The following SPHK2 variants were observed in gnomAD, a reference collection of about 807,000 sequenced individuals.
The protein encoded by SPHK2 is sphingosine kinase 2.
In SPHK2, 18 loss-of-function variants were observed where a neutral mutation model predicts 32.3. That is an observed-to-expected ratio of 0.56 (90% CI 0.39 to 0.83). The LOEUF (loss-of-function observed/expected upper bound fraction) is 0.83. SPHK2 is among the 40% of genes least tolerant of loss of function. The pLI is 0.00. For synonymous variants in SPHK2, 462 were observed against 417.6 expected (o/e 1.11, Z -1.30); for missense variants, 850 against 908.7 (o/e 0.94, Z 0.83).
intron 2 of SPHK2, chr19:48,624,876 G>C: frequency 1.0e-6 from 1 of 980,616 alleles, no homozygotes; most frequent in Non-Finnish European, 1.2e-6. Context: ...AGGCGGTGGG[G>C]GGTGGGGGGC....
In SPHK2 at chr19:48,627,098, C is replaced by T. The variant is rs190821095; in HGVS notation, c.512-594C>T. Reference sequence around the variant, plus strand: ...GCAGTGAGCCGAGATTGCACCATTGCACTCCATCCTGGGCGACAAGACCGA... The same window carrying T: ...GCAGTGAGCCGAGATTGCACCATTGTACTCCATCCTGGGCGACAAGACCGA... On this transcript the variant is annotated intron_variant, in intron 3 of 6. Transcript: ENST00000245222. 2.1e-4 allele frequency among the ~76,000 whole-genome samples: 32 copies of T among 152,340 alleles called. No individual in the cohort carries two copies. The East Asian group carries it at 5.8e-3, about 28-fold the overall frequency.
In SPHK2 at chr19:48,629,696, C is replaced by G. The variant is rs2030404527; in HGVS notation, c.1888C>G (p.Pro630Ala). ...GGACGGGGAGCAGGTGGAGTATGGGCCGCTACAGGCACAGATGCACCCTGG... is the reference window on the plus strand; with the variant it reads ...GGACGGGGAGCAGGTGGAGTATGGGGCGCTACAGGCACAGATGCACCCTGG... ...TVDGEQVEYG[P>A]LQAQMHPGIG... The change falls in exon 7 of 7, where the codon CCG becomes GCG. Residue 630 changes from proline to alanine, a missense_variant. Physicochemically the swap from Pro to Ala is conservative, Grantham distance 27 (BLOSUM62 -1). Around this residue, in one of 2 missense-constraint regions of SPHK2, gnomAD observed 306 missense variants for 268.6 expected, o/e 1.14. Coordinates refer to ENST00000245222, the MANE Select transcript of SPHK2 (RefSeq NM_020126.5). 1 of 1,609,364 alleles carries G rather than the reference C, an allele frequency of 6.2e-7. No individual in the cohort carries two copies. Among genetic ancestry groups the G allele is most frequent in the South Asian group, 1.1e-5 (1 of 90,480 alleles).
chr19:48,628,140 C>T lies in SPHK2; in HGVS notation c.757-22C>T, dbSNP rs1335857911. ...ATAGAGACTGCCACCAGGACCCAGGCTTCTGGTCTCCCACCCTCCAGGTGC... is the reference window on the plus strand; with the variant it reads ...ATAGAGACTGCCACCAGGACCCAGGTTTCTGGTCTCCCACCCTCCAGGTGC... On this transcript the variant is annotated intron_variant, in intron 5 of 6. Coordinates refer to ENST00000245222, the MANE Select transcript of SPHK2 (RefSeq NM_020126.5). The surrounding 1 kb of genome is among the most constrained non-coding windows in gnomAD (Gnocchi z 5.2). 1.2e-6 allele frequency: 2 copies of T among 1,604,908 alleles called. No individual in the cohort carries two copies. The highest frequency in any genetic ancestry group is 2.2e-5 in the South Asian group (2 of 90,272).
At position 48,626,245 on chromosome 19, in the gene SPHK2, A is replaced by G; in HGVS notation, c.394A>G (p.Thr132Ala). 6.3e-7 allele frequency: 1 copy of G among 1,596,130 alleles called. No individual in the cohort carries two copies. The highest frequency in any genetic ancestry group is 1.1e-5 in the South Asian group (1 of 90,454). Residue 132 changes from threonine to alanine, a missense_variant, in exon 3 of 7, where the codon ACT becomes GCT. Physicochemically the swap from Thr to Ala is moderately conservative, Grantham distance 58. This residue lies in a region of SPHK2 where 544 missense variants were observed against 640.0 expected (regional missense o/e 0.85). Transcript: ENST00000245222. Reference sequence around the variant, plus strand: ...CCGGCGCGGGGCCCGGCGCAGAGCCACTCGCACCTTCCGGGCAGATGGGGC... The same window carrying G: ...CCGGCGCGGGGCCCGGCGCAGAGCCGCTCGCACCTTCCGGGCAGATGGGGC... ...RGRRGARRRATRTFRADGAAT... is the reference protein window; with the variant it reads ...RGRRGARRRAARTFRADGAAT...
intron 2 of SPHK2, chr19:48,625,296 C>T (rs1023624104): frequency 1.4e-5 from 16 of 1,108,574 alleles, no homozygotes; most frequent in African/African-American, 1.7e-5. Context: ...TGAGTTTCAC[C>T]TCATTGACCC....
At position 48,620,424 on chromosome 19, in the gene SPHK2, G is replaced by C. The variant is rs1974355700; in HGVS notation, c.-91G>C. 8.5e-7 allele frequency: 1 copy of C among 1,169,948 alleles called. No individual in the cohort carries two copies. The highest frequency in any genetic ancestry group is 2.5e-5 in the East Asian group (1 of 40,008). The allele number at this position is 1,169,948 out of a possible 1,614,324, so 72.5% of individuals were successfully genotyped here. On this transcript the variant is annotated 5_prime_UTR_variant, in exon 2 of 7. Transcript: ENST00000245222. ...CAGAGCTGAAGGTCAGGCCAGGACA[G>C]TGAGACCTGACTCCTTGCTCCTACC...
chr19:48,629,525 A>G lies in SPHK2; in HGVS notation c.1717A>G (p.Ser573Gly), dbSNP rs751826468. ...CCTGGTGCACCTGTGCTGGGTGCGT[A>G]GCGGCATCTCGCGGGCTGCGCTGCT... Reference protein sequence around the residue: ...DGLVHLCWVRSGISRAALLRL... With the variant: ...DGLVHLCWVRGGISRAALLRL... Residue 573 changes from serine to glycine, a missense_variant, in exon 7 of 7, where the codon AGC becomes GGC. By Grantham distance (56) the Ser-to-Gly change is moderately conservative. Coordinates refer to ENST00000245222, the MANE Select transcript of SPHK2 (RefSeq NM_020126.5). The G allele has an allele frequency of 3.3e-5, 53 of 1,606,008 alleles. No homozygotes were observed. Among genetic ancestry groups the G allele is most frequent in the Non-Finnish European group, 4.2e-5 (50 of 1,177,636 alleles).
At position 48,630,345 on chromosome 19, in the gene SPHK2, C is replaced by T. The variant is rs2030508856; in HGVS notation, c.*572C>T. 3 of 1,310,846 alleles carry T rather than the reference C, an allele frequency of 2.3e-6. No homozygotes were observed. Among genetic ancestry groups the T allele is most frequent in the Non-Finnish European group, 2.9e-6 (3 of 1,030,734 alleles). 81.2% of individuals were successfully genotyped at this position (1,310,846 alleles called of 1,614,324 possible). On this transcript the variant is annotated 3_prime_UTR_variant, in exon 7 of 7. Transcript: ENST00000245222. This position sits in a 1 kb window ranked among gnomAD's most constrained non-coding sequence, Gnocchi z 4.9. ...GTTCGTCTCATGCGCGTCCTCCGTC[C>T]CCAATCTAAAAAGCAATTGAAAAGG...
rs1275442722 is a variant in SPHK2 at position 48,628,137 on chromosome 19, A to G, written c.757-25A>G. The G allele has an allele frequency of 6.2e-7, 1 of 1,603,718 alleles. No homozygotes were observed. Among genetic ancestry groups the G allele is most frequent in the Non-Finnish European group, 8.5e-7 (1 of 1,173,440 alleles). On this transcript the variant is annotated intron_variant, in intron 5 of 6. Transcript: ENST00000245222. This position sits in a 1 kb window ranked among gnomAD's most constrained non-coding sequence, Gnocchi z 5.2. ...ACTATAGAGACTGCCACCAGGACCC[A>G]GGCTTCTGGTCTCCCACCCTCCAGG...
In SPHK2 at chr19:48,629,980, T is replaced by G. The variant is rs1601173848; in HGVS notation, c.*207T>G. ...AAGAGAAATGGGCTCGTCCCGAGGG[T>G]AGTGCCTGATCAATGAGGGCGGGGC... On this transcript the variant is annotated 3_prime_UTR_variant, in exon 7 of 7. Transcript: ENST00000245222. 7.1e-7 allele frequency: 1 copy of G among 1,399,646 alleles called. No individual in the cohort carries two copies. The highest frequency in any genetic ancestry group is 9.2e-7 in the Non-Finnish European group (1 of 1,081,172). 86.7% of individuals were successfully genotyped at this position (1,399,646 alleles called of 1,614,324 possible).
rs774647376 is a variant in SPHK2 at position 48,628,490 on chromosome 19, T to C, written c.873-191T>C. 2.8e-5 allele frequency: 25 copies of C among 883,672 alleles called. No homozygotes were observed. Among genetic ancestry groups the C allele is most frequent in the Admixed American group, 2.1e-4 (12 of 56,782 alleles). 54.7% of individuals were successfully genotyped at this position (883,672 alleles called of 1,614,324 possible). ...CCTGGCATGGGAGGCACTCAGTGAA[T>C]TGTAGGGAGCAAATGAAAGATGACC... is the stretch of plus-strand genomic sequence containing the variant. On this transcript the variant is annotated intron_variant, in intron 6 of 6. Transcript: ENST00000245222. The surrounding 1 kb of genome is among the most constrained non-coding windows in gnomAD (Gnocchi z 5.2).
At chr19:48,625,755 G>A in intron 2 of SPHK2, 136 bp from the exon 3 acceptor site, 1 of 1,535,528 alleles carries the variant, frequency 6.5e-7, no homozygotes, top group Non-Finnish European at 8.7e-7. Context: ...ACACCTGTCT[G>A]AGCCTGTCTG....
intron 2 of SPHK2, among the ~76,000 whole-genome samples, chr19:48,622,767 T>G (rs8101707): frequency 0.13 from 18,139 of 138,030 alleles, 2,360 homozygotes; most frequent in African/African-American, 0.34. Flanking sequence ...CTTTTTTTTT[T>G]TTTTTTTTTT....
At chr19:48,622,446 T>G (rs1974444783) in intron 2 of SPHK2, among the ~76,000 whole-genome samples, 1 of 152,146 alleles carries the variant, frequency 6.6e-6, no homozygotes, top group East Asian at 1.9e-4. Context: ...ATTCAGGGGC[T>G]TCCCAGCAGT....
chr19:48,629,837 TA>T lies in SPHK2; in HGVS notation c.*65del, dbSNP rs1390703418. ...CATTCCAATGGGGCGGAGCCTGAGC[TA>T]GGGGGTGTGGCCTGGCTGCTAGAGT... On this transcript the variant is annotated 3_prime_UTR_variant, in exon 7 of 7. Coordinates refer to ENST00000245222, the MANE Select transcript of SPHK2 (RefSeq NM_020126.5). 4 of 1,499,270 alleles carry T rather than the reference TA, an allele frequency of 2.7e-6. No homozygotes were observed. The highest frequency in any genetic ancestry group is 1.3e-5 in the South Asian group (1 of 74,482). 92.9% of individuals were successfully genotyped at this position (1,499,270 alleles called of 1,614,324 possible).
chr19:48,627,121 C>T (rs1368670907), intron 3 of SPHK2, among the ~76,000 whole-genome samples: 3 of 152,168 alleles, frequency 2.0e-5, no homozygotes, highest in East Asian at 3.8e-4. Context: ...GCGACAAGAC[C>T]GATACTCCAT....
rs533051710 is a variant in SPHK2, at chr19:48,629,814, T to G, written c.*41T>G. ...GTACCCGCCGGGGGCGGGGCCTACA[T>G]TCCAATGGGGCGGAGCCTGAGCTAG... On this transcript the variant is annotated 3_prime_UTR_variant, in exon 7 of 7. Transcript: ENST00000245222. 1.2e-5 allele frequency: 18 copies of G among 1,523,622 alleles called. No homozygotes were observed. In the African/African-American group the frequency reaches 2.4e-4, roughly 20 times the overall value. 94.4% of individuals were successfully genotyped at this position (1,523,622 alleles called of 1,614,324 possible).
At chr19:48,623,729 G>T (rs559477320) in intron 2 of SPHK2, 2 of 152,304 alleles carry the variant, frequency 1.3e-5, no homozygotes, top group East Asian at 3.9e-4. Flanking sequence ...CTGAATTAAT[G>T]AGCCTCTCCT....
Position 48,629,243 on chromosome 19 carries a change from A to G in SPHK2, c.1435A>G (p.Lys479Glu), listed in dbSNP as rs2030325782. The change falls in exon 7 of 7, where the codon AAG (lysine) becomes GAG (glutamate). Residue 479 changes from lysine (K) to glutamate (E), a missense_variant. Lys to Glu is a moderately conservative substitution (Grantham distance 56, BLOSUM62 1). Around this residue, in one of 2 missense-constraint regions of SPHK2, gnomAD observed 306 missense variants for 268.6 expected, o/e 1.14. Transcript: ENST00000245222. ...GCTGTCTTCACCTCCTGGCTCTCCC[A>G]AGGCAGCTCTACACTCACCCGTCTC... Reference protein sequence around the residue: ...PLLSSPPGSPKAALHSPVSEG... With the variant: ...PLLSSPPGSPEAALHSPVSEG... 6.2e-7 allele frequency: 1 copy of G among 1,612,754 alleles called. No homozygotes were observed. Among genetic ancestry groups the G allele is most frequent in the African/African-American group, 1.3e-5 (1 of 74,628 alleles).
Sources: gnomAD v4.1 joint callset for allele counts (sites outside exome capture counted in the v4.1 genomes callset) on GRCh38, gnomAD v4.1.1 for gene constraint, gnomAD v4.1.1 regional missense constraint, Gnocchi (gnomAD v3.1) non-coding constraint, MANE v1.5 for transcripts, NCBI Gene and HGNC (gene_info 2026-07-23, HGNC 2026-07-21) for gene names.